TENM3: variants seen among roughly 807,000 people sequenced by gnomAD.
TENM3 encodes teneurin-3.
TENM3 carries 63 observed loss-of-function variants against 255.1 expected under a neutral mutation model. The ratio of observed to expected loss-of-function variants is 0.25; its 90% CI spans 0.20 to 0.30. The LOEUF is 0.30. TENM3 is among the 10% of genes least tolerant of loss of function. TENM3 has a pLI of 1.00. For missense variants in TENM3, 2,929 were observed against 3,461.1 expected, an observed-to-expected ratio of 0.85 and a Z score of 3.86; for synonymous variants, 1,306 against 1,322.3, an observed-to-expected ratio of 0.99 and a Z score of 0.27.
chr4:181,616,203 G>C, the TENM3 span, among the ~76,000 whole-genome samples: 2 of 148,042 alleles, frequency 1.4e-5, no homozygotes, highest in Non-Finnish European at 3.0e-5. Context: ...GCTGAAAAGG[G>C]AATCAGTGTA....
At chr4:181,652,001 C>G in the TENM3 span, among the ~76,000 whole-genome samples, 1 of 152,154 alleles carries the variant, frequency 6.6e-6, no homozygotes, top group African/African-American at 2.4e-5. Context: ...ACATGTGCAT[C>G]TCATACTTGT....
At chr4:182,705,815 T>C (rs559464434) in intron 12 of TENM3, among the ~76,000 whole-genome samples, 70 of 152,224 alleles carry the variant, frequency 4.6e-4, no homozygotes, top group Non-Finnish European at 9.7e-4. Flanking sequence ...TTCTGGTCTT[T>C]GAGGCTTTTT....
the TENM3 span, among the ~76,000 whole-genome samples, chr4:182,088,406 C>A: frequency 1.3e-5 from 2 of 152,092 alleles, no homozygotes; most frequent in African/African-American, 4.8e-5. Context: ...GGCAGGAAGG[C>A]AGATAAAGTG....
intron 1 of TENM3, among the ~76,000 whole-genome samples, chr4:182,175,314 A>AAAATAT (rs60217194): frequency 1.4e-3 from 165 of 117,556 alleles, no homozygotes; most frequent in African/African-American, 2.7e-3. Flanking sequence ...AAAAAAAAAA[A>AAAATAT]ATATATATAT....
chr4:182,373,033 C>A (rs923171251), intron 3 of TENM3, among the ~76,000 whole-genome samples: 5 of 152,136 alleles, frequency 3.3e-5, no homozygotes, highest in African/African-American at 1.2e-4. Context: ...AGCCACCACA[C>A]CAGGCCTATT....
chr4:182,104,995 T>G, the TENM3 span, among the ~76,000 whole-genome samples: 1 of 152,106 alleles, frequency 6.6e-6, no homozygotes, highest in African/African-American at 2.4e-5. Flanking sequence ...GAGAATCACT[T>G]GAGCCCAGTA....
the TENM3 span, among the ~76,000 whole-genome samples, chr4:181,703,617 G>A: frequency 6.6e-6 from 1 of 152,262 alleles, no homozygotes; most frequent in South Asian, 2.1e-4. Context: ...GCAGAGGAAA[G>A]TGTAGGGGTT....
chr4:182,326,775 T>A (rs1368952033), intron 2 of TENM3, among the ~76,000 whole-genome samples: 8 of 152,102 alleles, frequency 5.3e-5, no homozygotes, highest in Admixed American at 3.9e-4. Context: ...ACTCCTGGCC[T>A]CAAGCAATCC....
chr4:181,590,336 T>TC, the TENM3 span, among the ~76,000 whole-genome samples: 18 of 152,280 alleles, frequency 1.2e-4, no homozygotes, highest in East Asian at 3.3e-3. Flanking sequence ...CTTTCTTTTT[T>TC]CTCCCCATAC....
upstream of TENM3, among the ~76,000 whole-genome samples, chr4:182,242,305 G>A (rs1188494362): frequency 2.0e-5 from 3 of 152,002 alleles, no homozygotes; most frequent in African/African-American, 4.8e-5. Flanking sequence ...GAGAACATGC[G>A]GTGTTTGTTT....
intron 3 of TENM3, among the ~76,000 whole-genome samples, chr4:182,432,191 A>G (rs1424390894): frequency 2.6e-5 from 4 of 152,194 alleles, no homozygotes; most frequent in Non-Finnish European, 5.9e-5. Flanking sequence ...TGAGAAGAAG[A>G]CGACATGAAA....
At chr4:182,443,737 C>G (rs1772684681) in intron 3 of TENM3, among the ~76,000 whole-genome samples, 1 of 152,166 alleles carries the variant, frequency 6.6e-6, no homozygotes, top group African/African-American at 2.4e-5. Flanking sequence ...ACACCCAGAT[C>G]CTGCTTCCTC....
chr4:181,553,998 G>T, the TENM3 span, among the ~76,000 whole-genome samples: 1 of 152,152 alleles, frequency 6.6e-6, no homozygotes, highest in East Asian at 1.9e-4. Context: ...TTCAGCTACT[G>T]ACTCTGCTCC....
the TENM3 span, among the ~76,000 whole-genome samples, chr4:181,470,396 C>T: frequency 2.0e-5 from 3 of 152,196 alleles, no homozygotes; most frequent in Admixed American, 2.0e-4. Flanking sequence ...ACACTATGTG[C>T]TTGATGATAA....
chr4:181,847,747 T>G, the TENM3 span, among the ~76,000 whole-genome samples: 1 of 152,004 alleles, frequency 6.6e-6, no homozygotes, highest in African/African-American at 2.4e-5. Context: ...CGTACACATA[T>G]GTATCTAATA....
At chr4:182,696,821 T>G (rs977261054) in intron 12 of TENM3, among the ~76,000 whole-genome samples, 3 of 152,232 alleles carry the variant, frequency 2.0e-5, no homozygotes, top group African/African-American at 7.2e-5. Flanking sequence ...TAAATACTTT[T>G]ATACCTGATT....
intron 1 of TENM3, among the ~76,000 whole-genome samples, chr4:182,175,306 A>ATATATATATATATATATAT (rs1326077334): frequency 1.1e-4 from 9 of 80,490 alleles, no homozygotes; most frequent in African/African-American, 2.9e-4. Flanking sequence ...CTTCATTAAA[A>ATATATATATATATATATAT]AAAAAAAAAT....
chr4:181,531,208 T>G, the TENM3 span, among the ~76,000 whole-genome samples: 3 of 152,018 alleles, frequency 2.0e-5, no homozygotes, highest in Non-Finnish European at 4.4e-5. Flanking sequence ...AGAATAAAAG[T>G]GGTTCAAATT....
chr4:182,320,987 A>C (rs1475834995), intron 1 of TENM3, among the ~76,000 whole-genome samples: 1 of 152,248 alleles, frequency 6.6e-6, no homozygotes, highest in Non-Finnish European at 1.5e-5. Context: ...TTATTTTAAA[A>C]TAGATGTCAA....
Sources: allele counts gnomAD v4.1 joint callset (sites outside exome capture counted in the v4.1 genomes callset), GRCh38; gene constraint gnomAD v4.1.1; transcripts MANE v1.5; gene names NCBI Gene and HGNC (gene_info 2026-07-23, HGNC 2026-07-21).